The following HIVEP2 variants were observed in gnomAD, a reference collection of about 807,000 sequenced individuals.
The protein encoded by HIVEP2 is HIVEP zinc finger 2.
HIVEP2 carries 14 observed loss-of-function variants against 180.7 expected under a neutral mutation model. That is an observed-to-expected ratio of 0.08 (90% CI 0.05 to 0.12). The LOEUF (loss-of-function observed/expected upper bound fraction) is 0.12. HIVEP2 is among the 10% of genes least tolerant of loss of function. The pLI, the probability that HIVEP2 is intolerant of heterozygous loss-of-function variation, is 1.00. For synonymous variants in HIVEP2, 1,184 were observed against 1,136.4 expected (o/e 1.04, Z -0.84); for missense variants, 2,579 against 3,008.5 (o/e 0.86, Z 3.34).
intron 1 of HIVEP2, among the ~76,000 whole-genome samples, chr6:142,861,757 T>C (rs1391718443): frequency 1.3e-5 from 2 of 152,166 alleles, no homozygotes; most frequent in African/African-American, 2.4e-5. Flanking sequence ...AAATTATAAA[T>C]AGATAAAACT....
chr6:142,933,187 G>T (rs1268357421), intron 1 of HIVEP2, among the ~76,000 whole-genome samples: 2 of 152,148 alleles, frequency 1.3e-5, no homozygotes, highest in Non-Finnish European at 2.9e-5. Context: ...AAGAACCTCA[G>T]AATTTCATTT....
chr6:142,833,810 G>A (rs1176011991), intron 2 of HIVEP2, among the ~76,000 whole-genome samples: 2 of 152,194 alleles, frequency 1.3e-5, no homozygotes, highest in African/African-American at 4.8e-5. Flanking sequence ...AAGGAGGCCA[G>A]AAGAAATGTA....
At chr6:142,920,170 C>T (rs1777650166) in intron 1 of HIVEP2, among the ~76,000 whole-genome samples, 1 of 152,098 alleles carries the variant, frequency 6.6e-6, no homozygotes, top group Admixed American at 6.5e-5. Flanking sequence ...AATTACAGTC[C>T]CATTTTGTGT....
At chr6:142,813,989 T>C (rs1208538487) in intron 2 of HIVEP2, among the ~76,000 whole-genome samples, 1 of 151,618 alleles carries the variant, frequency 6.6e-6, no homozygotes, top group African/African-American at 2.4e-5. Context: ...GCCCTCAGAG[T>C]CTATGGTCTA....
chr6:142,944,303 C>G (rs1778248061), intron 1 of HIVEP2, among the ~76,000 whole-genome samples: 1 of 150,640 alleles, frequency 6.6e-6, no homozygotes, highest in African/African-American at 2.5e-5. Flanking sequence ...GAGGCACATG[C>G]GTATAAAGCG....
At chr6:142,795,756 A>C (rs1488874502) in intron 2 of HIVEP2, among the ~76,000 whole-genome samples, 2 of 152,324 alleles carry the variant, frequency 1.3e-5, no homozygotes, top group South Asian at 4.1e-4. Context: ...ATGGAAGAAG[A>C]GCATGAGAAA....
At chr6:142,767,441 A>C (rs887472549) in intron 6 of HIVEP2, among the ~76,000 whole-genome samples, 13 of 152,234 alleles carry the variant, frequency 8.5e-5, no homozygotes, top group African/African-American at 2.9e-4. Context: ...TGAGAAATGG[A>C]TATTTCATCT....
intron 1 of HIVEP2, among the ~76,000 whole-genome samples, chr6:142,860,642 G>A (rs12201734): frequency 0.18 from 27,090 of 152,024 alleles, 2,593 homozygotes; most frequent in South Asian, 0.22. Flanking sequence ...TAGATCCCTG[G>A]CATGCGCAGT....
intron 1 of HIVEP2, among the ~76,000 whole-genome samples, chr6:142,916,641 T>A (rs1777554941): frequency 6.6e-6 from 1 of 152,108 alleles, no homozygotes; most frequent in African/African-American, 2.4e-5. Flanking sequence ...TGTTCTCCTC[T>A]CTCCTGGCAC....
chr6:142,866,488 T>C (rs185955945), intron 1 of HIVEP2, among the ~76,000 whole-genome samples: 1 of 151,972 alleles, frequency 6.6e-6, no homozygotes, highest in African/African-American at 2.4e-5. Context: ...AATTTTCTTG[T>C]AGCGTTAGGT....
intron 2 of HIVEP2, among the ~76,000 whole-genome samples, chr6:142,814,184 A>T (rs1776774078): frequency 6.6e-6 from 1 of 152,250 alleles, no homozygotes. Context: ...TTCATCTAAT[A>T]GAGAAATTGA....
At chr6:142,754,918 C>A (rs1321600096) in intron 9 of HIVEP2, among the ~76,000 whole-genome samples, 1 of 152,124 alleles carries the variant, frequency 6.6e-6, no homozygotes, top group Non-Finnish European at 1.5e-5. Context: ...TTAATATTAT[C>A]ATATTTTAAT....
In HIVEP2 at chr6:142,752,373, ATC is replaced by A. The variant is rs1774944102; in HGVS notation, c.*732_*733del. The A allele has an allele frequency of 6.6e-6, 1 of 152,652 alleles. No homozygotes were observed. Among genetic ancestry groups the A allele is most frequent in the Non-Finnish European group, 1.5e-5 (1 of 68,036 alleles). The allele number at this position is 152,652 out of a possible 1,614,324, so 9.5% of individuals were successfully genotyped here. ...ACGGTACTATCATTTTAAAATCACAATCAGCACTTAAGTTATAGTCAATCCAG... is the reference window on the plus strand; with the variant it reads ...ACGGTACTATCATTTTAAAATCACAAAGCACTTAAGTTATAGTCAATCCAG... On this transcript the variant is annotated 3_prime_UTR_variant, in exon 10 of 10. Coordinates refer to ENST00000367603, the MANE Select transcript of HIVEP2 (RefSeq NM_006734.4).
At chr6:142,871,690 T>C (rs1776293482) in intron 1 of HIVEP2, among the ~76,000 whole-genome samples, 1 of 151,928 alleles carries the variant, frequency 6.6e-6, no homozygotes, top group Non-Finnish European at 1.5e-5. Context: ...TTGGCCCCCA[T>C]CCATTTTTAT....
intron 1 of HIVEP2, among the ~76,000 whole-genome samples, chr6:142,838,300 T>C (rs778018168): frequency 3.3e-5 from 5 of 152,098 alleles, no homozygotes; most frequent in Non-Finnish European, 5.9e-5. Flanking sequence ...AACAATTATT[T>C]AGGAAACTCA....
Position 142,826,991 on chromosome 6 carries a change from ATGAT to A in HIVEP2, c.-528+9940_-528+9943del, listed in dbSNP as rs1476063344. 7.2e-5 allele frequency among the ~76,000 whole-genome samples: 11 copies of A among 152,322 alleles called. No individual in the cohort carries two copies. In the East Asian group the frequency reaches 1.7e-3, roughly 24 times the overall value. On this transcript the variant is annotated intron_variant, in intron 2 of 9. Coordinates refer to ENST00000367603, the MANE Select transcript of HIVEP2 (RefSeq NM_006734.4). Reference sequence around the variant, plus strand: ...AGTGAATGGATGAATGAGTGAATGAATGATTGTAAACACGCTCACTCTCCATACT... The same window carrying A: ...AGTGAATGGATGAATGAGTGAATGAATGTAAACACGCTCACTCTCCATACT...
chr6:142,812,592 A>G (rs1776727826), intron 2 of HIVEP2, among the ~76,000 whole-genome samples: 1 of 152,210 alleles, frequency 6.6e-6, no homozygotes, highest in Admixed American at 6.5e-5. Context: ...ATCTAATCCG[A>G]AATTATGAAG....
At chr6:142,821,961 C>T (rs1040633389) in intron 2 of HIVEP2, among the ~76,000 whole-genome samples, 4 of 152,184 alleles carry the variant, frequency 2.6e-5, no homozygotes, top group African/African-American at 9.7e-5. Context: ...CAGCAAAGTG[C>T]AAACAAAGAC....
chr6:142,814,673 C>A, intron 2 of HIVEP2, among the ~76,000 whole-genome samples: 1 of 151,888 alleles, frequency 6.6e-6, no homozygotes, highest in South Asian at 2.1e-4. Flanking sequence ...GAAGGTAGGA[C>A]AAACAAGTCT....
Sources: allele counts gnomAD v4.1 joint callset (sites outside exome capture counted in the v4.1 genomes callset), GRCh38; gene constraint gnomAD v4.1.1; transcripts MANE v1.5; gene names NCBI Gene and HGNC (gene_info 2026-07-23, HGNC 2026-07-21).